UHRF1: variants seen among roughly 807,000 people sequenced by gnomAD.
UHRF1 encodes ubiquitin like with PHD and ring finger domains 1, also known as E3 ubiquitin-protein ligase UHRF1.
A neutral mutation model predicts 96.5 loss-of-function variants in UHRF1; 9 were observed. The ratio of observed to expected loss-of-function variants is 0.09; its 90% CI spans 0.06 to 0.16. UHRF1 has a LOEUF of 0.16. Ranked by LOEUF, UHRF1 falls within the 10% of genes least tolerant of loss-of-function variation. The probability of loss-of-function intolerance (pLI) is 1.00; values close to 1 mark genes in which losing one functional copy is unlikely to be tolerated. For synonymous variants in UHRF1, 455 were observed against 469.9 expected, an observed-to-expected ratio of 0.97 and a Z score of 0.41; for missense variants, 626 against 1,131.1, an observed-to-expected ratio of 0.55 and a Z score of 6.40.
At chr19:4,949,739 A>G (rs1238719147) in intron 11 of UHRF1, among the ~76,000 whole-genome samples, 1 of 152,048 alleles carries the variant, frequency 6.6e-6, no homozygotes, top group African/African-American at 2.4e-5. Flanking sequence ...TGGGAGCCGG[A>G]GGTGGGAGGA....
Position 4,911,120 on chromosome 19 carries a change from C to T in UHRF1, c.153+82C>T, listed in dbSNP as rs892071724. On this transcript the variant is annotated intron_variant, in intron 2 of 16. Coordinates refer to ENST00000650932, the MANE Select transcript of UHRF1 (RefSeq NM_001048201.3). ...AGCCACCAGCCGATACTTTCTCCCT[C>T]CCACCTCCCCCCCCAACAACCTCGT... 1.8e-5 allele frequency: 23 copies of T among 1,297,650 alleles called. No homozygotes were observed. In the African/African-American group the frequency reaches 3.3e-4, roughly 19 times the overall value. The allele number at this position is 1,297,650 out of a possible 1,614,324, so 80.4% of individuals were successfully genotyped here. A position where few individuals can be genotyped will look rare whatever the true frequency, so the allele number is the denominator to read the frequency against.
At chr19:4,927,984 T>C (rs976031656) in intron 2 of UHRF1, among the ~76,000 whole-genome samples, 4 of 152,076 alleles carry the variant, frequency 2.6e-5, no homozygotes, top group Non-Finnish European at 5.9e-5. Context: ...CCACTCAGTG[T>C]GTGGATTTTA....
At chr19:4,910,520 GAATC>G (rs1461362626) in intron 1 of UHRF1, 3 of 195,454 alleles carry the variant, frequency 1.5e-5, no homozygotes, top group Admixed American at 1.2e-4. Flanking sequence ...AGGAATGAAT[GAATC>G]AATGAATGAA....
chr19:4,903,871 A>C (rs1434840262), intron 1 of UHRF1, among the ~76,000 whole-genome samples: 1 of 152,188 alleles, frequency 6.6e-6, no homozygotes, highest in East Asian at 1.9e-4. Context: ...AAACATAGAG[A>C]TATGGCCAGG....
At chr19:4,904,217 C>T (rs1568400957) in intron 1 of UHRF1, among the ~76,000 whole-genome samples, 1 of 147,216 alleles carries the variant, frequency 6.8e-6, no homozygotes, top group Non-Finnish European at 1.5e-5. Context: ...CTCACTTTGT[C>T]ACCCAGGCTG....
At chr19:4,929,079 C>A in intron 2 of UHRF1, 143 bp from the exon 3 acceptor site, 1 of 1,208,750 alleles carries the variant, frequency 8.3e-7, no homozygotes, top group Non-Finnish European at 1.1e-6. Context: ...TGGCATGGCC[C>A]AGGTATCATG....
At chr19:4,915,560 A>G (rs1210804781) in intron 2 of UHRF1, among the ~76,000 whole-genome samples, 11 of 152,128 alleles carry the variant, frequency 7.2e-5, no homozygotes, top group Non-Finnish European at 2.9e-5. Flanking sequence ...TAAAAATACA[A>G]AAATTAGCCA....
At position 4,909,662 on chromosome 19, in the gene UHRF1, G is replaced by A. The variant is rs963678050; in HGVS notation, c.-11+7G>A. 7.1e-5 allele frequency: 38 copies of A among 533,900 alleles called. 1 individual carries two copies. The highest frequency in any genetic ancestry group is 6.7e-4 in the African/African-American group (33 of 49,474). The allele number at this position is 533,900 out of a possible 1,614,324, so 33.1% of individuals were successfully genotyped here. A position where few individuals can be genotyped will look rare whatever the true frequency, so the allele number is the denominator to read the frequency against. ...GTTCGCGGCGACCGGAGAGGTGAGC[G>A]GGCGGGCCGGGTCGGGGTGCCAGCC... On this transcript the variant is annotated splice_region_variant and intron_variant, in intron 1 of 16. Coordinates refer to ENST00000650932, the MANE Select transcript of UHRF1 (RefSeq NM_001048201.3).
At chr19:4,950,587 G>T (rs369696462) in intron 11 of UHRF1, 24 bp from the exon 12 acceptor site, 1 of 1,606,058 alleles carries the variant, frequency 6.2e-7, no homozygotes, top group Admixed American at 1.7e-5. Flanking sequence ...CCTATAATGC[G>T]TGGGGTCCTG....
At chr19:4,916,562 GGGTCGAAGGGCAGA>G (rs1007215893) in intron 2 of UHRF1, among the ~76,000 whole-genome samples, 1 of 152,090 alleles carries the variant, frequency 6.6e-6, no homozygotes, top group African/African-American at 2.4e-5. Context: ...TGACCCGGCC[GGGTCGAAGGGCAGA>G]GTTCCGCTGT....
intron 16 of UHRF1, among the ~76,000 whole-genome samples, chr19:4,959,702 T>C (rs375025809): frequency 1.3e-5 from 2 of 152,262 alleles, no homozygotes; most frequent in East Asian, 1.9e-4. Context: ...GACGTGTATG[T>C]TTATTTTTTA....
chr19:4,958,059 G>A (rs2033903845), intron 16 of UHRF1, among the ~76,000 whole-genome samples: 2 of 152,200 alleles, frequency 1.3e-5, no homozygotes, highest in African/African-American at 4.8e-5. Context: ...TTGTTTTCAT[G>A]CCAGGAGGCA....
At chr19:4,921,482 C>T (rs1348801925) in intron 2 of UHRF1, among the ~76,000 whole-genome samples, 1 of 151,932 alleles carries the variant, frequency 6.6e-6, no homozygotes, top group Non-Finnish European at 1.5e-5. Flanking sequence ...ATGCTGGGCA[C>T]AGTGGCTGGG....
At chr19:4,941,467 C>A (rs1303108036) in intron 5 of UHRF1, 61 bp from the exon 6 acceptor site, 10 of 1,358,494 alleles carry the variant, frequency 7.4e-6, no homozygotes, top group Non-Finnish European at 9.3e-6. Context: ...TGTTCAAGTG[C>A]TGTGAGTAGA....
intron 4 of UHRF1, among the ~76,000 whole-genome samples, chr19:4,932,053 C>T (rs769564577): frequency 6.6e-6 from 1 of 152,164 alleles, no homozygotes; most frequent in Non-Finnish European, 1.5e-5. Flanking sequence ...CTCAGCCTCC[C>T]GAGTAGCTGG....
intron 2 of UHRF1, 52 bp downstream of exon 2, chr19:4,911,090 T>C: frequency 6.9e-7 from 1 of 1,442,106 alleles, no homozygotes; most frequent in Non-Finnish European, 9.2e-7. Context: ...GCCTCGCGCC[T>C]CTGCAGCCAC....
chr19:4,949,501 CA>C (rs2033660994), intron 11 of UHRF1, among the ~76,000 whole-genome samples: 4 of 151,826 alleles, frequency 2.6e-5, no homozygotes, highest in South Asian at 2.1e-4. Context: ...CACACACACA[CA>C]CACTCTCACA....
At chr19:4,908,935 T>C (rs781079097), upstream of UHRF1, among the ~76,000 whole-genome samples, 93 of 151,864 alleles carry the variant, frequency 6.1e-4, no homozygotes, top group Non-Finnish European at 4.1e-4. Context: ...AGGGCAGCCC[T>C]GCCCGCCTGG....
At chr19:4,926,076 T>C (rs1463427674) in intron 2 of UHRF1, among the ~76,000 whole-genome samples, 1 of 151,854 alleles carries the variant, frequency 6.6e-6, no homozygotes, top group Admixed American at 6.6e-5. Flanking sequence ...TTTGTATTTT[T>C]AGTAGAGACA....
Sources: gnomAD v4.1 joint callset for allele counts (sites outside exome capture counted in the v4.1 genomes callset) on GRCh38, gnomAD v4.1.1 for gene constraint, MANE v1.5 for transcripts, NCBI Gene and HGNC (gene_info 2026-07-23, HGNC 2026-07-21) for gene names.